Variants in DCDC1 observed in about 807,000 individuals in gnomAD.
DCDC1 encodes the protein doublecortin domain-containing protein 1.
Under a neutral mutation model 178.3 loss-of-function variants are expected in DCDC1, and 200 were observed. The observed-to-expected ratio is 1.12, with a 90% confidence interval of 1.00 to 1.26. The LOEUF (loss-of-function observed/expected upper bound fraction) is 1.26. DCDC1 is among the 50% of genes most tolerant of loss of function. The pLI is 0.00. For missense variants in DCDC1, 1,983 were observed against 1,749.2 expected (o/e 1.13, Z -2.38); for synonymous variants, 690 against 604.8 (o/e 1.14, Z -2.07).
chr11:31,010,441 A>G (rs1952104623), intron 20 of DCDC1, among the ~76,000 whole-genome samples: 1 of 152,228 alleles, frequency 6.6e-6, no homozygotes, highest in East Asian at 1.9e-4. Flanking sequence ...AGTTCACATT[A>G]TAGCAGTTTG....
intron 9 of DCDC1, among the ~76,000 whole-genome samples, chr11:31,228,828 A>G (rs1975363497): frequency 6.6e-6 from 1 of 152,082 alleles, no homozygotes; most frequent in Non-Finnish European, 1.5e-5. Flanking sequence ...TAAACTACTA[A>G]AGATCAAAAA....
At chr11:30,938,359 A>T (rs375538114) in intron 21 of DCDC1, among the ~76,000 whole-genome samples, 1 of 152,128 alleles carries the variant, frequency 6.6e-6, no homozygotes, top group East Asian at 1.9e-4. Context: ...CTCTGCTGAA[A>T]CGACAAAGAT....
At chr11:31,365,680 C>T (rs1429840557) in intron 1 of DCDC1, among the ~76,000 whole-genome samples, 3 of 152,060 alleles carry the variant, frequency 2.0e-5, no homozygotes, top group South Asian at 2.1e-4. Context: ...TCATTTTTTC[C>T]TATCATCATG....
chr11:31,226,839 T>C (rs1409967992), intron 9 of DCDC1, among the ~76,000 whole-genome samples: 1 of 152,018 alleles, frequency 6.6e-6, no homozygotes, highest in Non-Finnish European at 1.5e-5. Flanking sequence ...AGTATGTGGG[T>C]GAAGAAAAAG....
chr11:31,234,648 GA>G (rs199660376), intron 9 of DCDC1, among the ~76,000 whole-genome samples: 2 of 151,768 alleles, frequency 1.3e-5, no homozygotes, highest in Admixed American at 6.6e-5. Flanking sequence ...GTTCTTCAAG[GA>G]AAAAAAATTC....
At chr11:30,970,061 C>A (rs1029790481) in intron 20 of DCDC1, among the ~76,000 whole-genome samples, 1 of 152,064 alleles carries the variant, frequency 6.6e-6, no homozygotes, top group African/African-American at 2.4e-5. Flanking sequence ...AATGAGGCAG[C>A]CTATTTAGTT....
At chr11:31,238,726 T>C (rs1410743346) in intron 9 of DCDC1, among the ~76,000 whole-genome samples, 4 of 152,142 alleles carry the variant, frequency 2.6e-5, no homozygotes, top group Non-Finnish European at 5.9e-5. Context: ...ACCAATTAAA[T>C]AGATTCTGCT....
Position 31,001,263 on chromosome 11 carries a change from T to C in DCDC1, c.2592-48695A>G, listed in dbSNP as rs117821507. ...GCTAAAATTGTCAAGTAAAGGCATT[T>C]TGAAAGGCTTATAAACCATATTAAG... On this transcript the variant is annotated intron_variant, in intron 20 of 38. Transcript: ENST00000684477. Among the ~76,000 whole-genome samples the C allele has an allele frequency of 8.9e-3, 1,349 of 152,318 alleles. 8 individuals carry two copies. The highest frequency in any genetic ancestry group is 0.014 in the Admixed American group (209 of 15,292).
At chr11:30,958,429 T>G (rs2134548613) in intron 20 of DCDC1, among the ~76,000 whole-genome samples, 1 of 152,270 alleles carries the variant, frequency 6.6e-6, no homozygotes, top group Non-Finnish European at 1.5e-5. Context: ...GAGACCCATT[T>G]TATGGCAAAG....
chr11:31,075,989 A>C (rs1384994475), intron 18 of DCDC1, among the ~76,000 whole-genome samples: 1 of 152,108 alleles, frequency 6.6e-6, no homozygotes, highest in Non-Finnish European at 1.5e-5. Context: ...CCTCCCCAGT[A>C]GCTGGGATTA....
intron 27 of DCDC1, among the ~76,000 whole-genome samples, chr11:30,913,369 A>T (rs1458356165): frequency 6.6e-6 from 1 of 152,016 alleles, no homozygotes; most frequent in African/African-American, 2.4e-5. Context: ...AGATCATGCC[A>T]CTGCACTCCA....
intron 7 of DCDC1, chr11:31,280,524 G>T (rs772672416): frequency 2.4e-5 from 6 of 245,180 alleles, no homozygotes; most frequent in Non-Finnish European, 4.8e-5. Context: ...GCTAGTCTTA[G>T]TTTTAAATCA....
intron 20 of DCDC1, among the ~76,000 whole-genome samples, chr11:31,048,643 G>A (rs1955024974): frequency 1.3e-5 from 2 of 152,150 alleles, no homozygotes; most frequent in African/African-American, 4.8e-5. Flanking sequence ...CACGAGGTCA[G>A]GAGATCGAGA....
intron 23 of DCDC1, among the ~76,000 whole-genome samples, chr11:30,923,076 T>C (rs1946354708): frequency 6.6e-6 from 1 of 151,878 alleles, no homozygotes; most frequent in African/African-American, 2.4e-5. Flanking sequence ...AAGGAGTAAA[T>C]TACAGATTGG....
At position 30,925,594 on chromosome 11, in the gene DCDC1, A is replaced by G. The variant is rs184764772; in HGVS notation, c.2898-186T>C. ...CTCATTTTCCTCTCCAAATTGTGGC[A>G]CTTGGGCAAATTATTTAACCTGTCT... On this transcript the variant is annotated intron_variant, in intron 22 of 38. Coordinates refer to ENST00000684477, the MANE Select transcript of DCDC1 (RefSeq NM_001387274.1). Among the ~76,000 whole-genome samples the G allele has an allele frequency of 2.0e-5, 3 of 152,286 alleles. No homozygotes were observed. In the East Asian group the frequency reaches 5.8e-4, roughly 29 times the overall value.
At chr11:31,225,996 A>AATCTGTTCTTAAT (rs1326450402) in intron 9 of DCDC1, among the ~76,000 whole-genome samples, 1 of 152,124 alleles carries the variant, frequency 6.6e-6, no homozygotes, top group Non-Finnish European at 1.5e-5. Context: ...AGTATTAAGG[A>AATCTGTTCTTAAT]ATGAAGAGAA....
intron 20 of DCDC1, among the ~76,000 whole-genome samples, chr11:30,955,438 T>TTTTCA (rs1948714558): frequency 6.6e-6 from 1 of 152,186 alleles, no homozygotes; most frequent in Non-Finnish European, 1.5e-5. Flanking sequence ...ATCCAACATC[T>TTTTCA]TTTCATTATC....
chr11:30,894,357 G>A lies in DCDC1; in HGVS notation c.4793C>T (p.Ala1598Val), dbSNP rs1461758787. The A allele has an allele frequency of 1.1e-5, 18 of 1,613,656 alleles. No individual in the cohort carries two copies. The highest frequency in any genetic ancestry group is 1.2e-5 in the Non-Finnish European group (14 of 1,179,786). The change falls in exon 35 of 39, where the codon GCC (alanine) becomes GTC (valine). Residue 1598 changes from alanine to valine, a missense_variant. Coordinates refer to ENST00000684477, the MANE Select transcript of DCDC1 (RefSeq NM_001387274.1). ...AGGGCTCTTGGTAGGAACCATGGTG[G>A]CTGGCTGACATGCCGCTACTCGCCG... ...KGRRVAACQP[A>V]TMVPTKSPVQ...
chr11:31,355,364 G>A (rs1235109601), intron 1 of DCDC1, among the ~76,000 whole-genome samples: 1 of 152,084 alleles, frequency 6.6e-6, no homozygotes, highest in East Asian at 1.9e-4. Context: ...CAAACATTTG[G>A]CTTGTATTAC....
Sources: gnomAD v4.1 joint callset for allele counts (sites outside exome capture counted in the v4.1 genomes callset) on GRCh38, gnomAD v4.1.1 for gene constraint, MANE v1.5 for transcripts, NCBI Gene and HGNC (gene_info 2026-07-23, HGNC 2026-07-21) for gene names.